The following ACAT1 variants were observed in gnomAD, a reference collection of about 807,000 sequenced individuals.
ACAT1 encodes acetyl-CoA acetyltransferase 1.
Under a neutral mutation model 47.3 loss-of-function variants are expected in ACAT1, and 28 were observed. That is an observed-to-expected ratio of 0.59 (90% confidence interval 0.44 to 0.81). The LOEUF is 0.81. Ranked by LOEUF, ACAT1 falls within the 30% of genes least tolerant of loss-of-function variation. The pLI is 0.00. For synonymous variants in ACAT1, 181 were observed against 173.6 expected (o/e 1.04, Z -0.34); for missense variants, 469 against 524.3 (o/e 0.89, Z 1.03).
intron 1 of ACAT1, among the ~76,000 whole-genome samples, chr11:108,126,508 A>G (rs927140319): frequency 2.0e-5 from 3 of 152,200 alleles, no homozygotes; most frequent in African/African-American, 4.8e-5. Context: ...CTGTTAAATT[A>G]TTTTAAGCAG....
At chr11:108,142,584 C>A (rs1429389133) in intron 9 of ACAT1, 34 bp downstream of exon 9, 1 of 1,548,380 alleles carries the variant, frequency 6.5e-7, no homozygotes, top group South Asian at 1.1e-5. Flanking sequence ...CACCTGTAAT[C>A]CCAGCACTTT....
intron 11 of ACAT1, among the ~76,000 whole-genome samples, chr11:108,147,060 CAG>C (rs1246275557): frequency 1.3e-5 from 2 of 152,154 alleles, no homozygotes; most frequent in Non-Finnish European, 2.9e-5. Context: ...AGCCTGGCGA[CAG>C]AGCGAGACTC....
In ACAT1 at chr11:108,142,557, C is replaced by T. The variant is rs994507837; in HGVS notation, c.940+7C>T. 10 of 1,609,814 alleles carry T rather than the reference C, an allele frequency of 6.2e-6. No homozygotes were observed. The highest frequency in any genetic ancestry group is 8.5e-6 in the Non-Finnish European group (10 of 1,176,200). Reference sequence around the variant, plus strand: ...CCACTGGCAAGAATAGTAGGTAAGGCCAGGCGAGGTGGCTCACACCTGTAA... The same window carrying T: ...CCACTGGCAAGAATAGTAGGTAAGGTCAGGCGAGGTGGCTCACACCTGTAA... On this transcript the variant is annotated splice_region_variant and intron_variant, in intron 9 of 11. Coordinates refer to ENST00000265838, the MANE Select transcript of ACAT1 (RefSeq NM_000019.4).
chr11:108,128,257 C>T (rs942821796), intron 1 of ACAT1, among the ~76,000 whole-genome samples: 2 of 152,142 alleles, frequency 1.3e-5, no homozygotes, highest in African/African-American at 2.4e-5. Context: ...CAAATAGACA[C>T]TGTAGGTAAC....
chr11:108,144,866 TAAAC>T (rs1355368636), intron 10 of ACAT1, among the ~76,000 whole-genome samples: 1 of 152,134 alleles, frequency 6.6e-6, no homozygotes, highest in Non-Finnish European at 1.5e-5. Flanking sequence ...GCAAGGGTAA[TAAAC>T]AATTCTGGAT....
intron 4 of ACAT1, chr11:108,134,582 G>T: frequency 3.7e-6 from 1 of 266,814 alleles, no homozygotes; most frequent in Non-Finnish European, 7.2e-6. Context: ...AGGTTGCAGT[G>T]AGCCAAGATT....
chr11:108,142,456 T>C lies in ACAT1; in HGVS notation c.846T>C (p.Asn282=), dbSNP rs2134772561. 8.7e-6 allele frequency: 14 copies of C among 1,614,174 alleles called. No homozygotes were observed. Among genetic ancestry groups the C allele is most frequent in the Non-Finnish European group, 1.2e-5 (14 of 1,180,008 alleles). Residue 282 remains asparagine, a synonymous_variant, in exon 9 of 12, where the codon AAT becomes AAC. Transcript: ENST00000265838. ...QKENGTVTAA[N]ASTLNDGAAA... ...TTTCAGGCACAGTAACAGCTGCCAA[T>C]GCCAGTACACTGAATGATGGAGCAG...
At chr11:108,135,067 T>C (rs1319623036) in intron 4 of ACAT1, 75 bp from the exon 5 acceptor site, 8 of 971,600 alleles carry the variant, frequency 8.2e-6, no homozygotes, top group African/African-American at 4.8e-5. Flanking sequence ...TTGTAGTTTA[T>C]AGTAACATGC....
At chr11:108,137,844 G>A (rs900144959) in intron 5 of ACAT1, among the ~76,000 whole-genome samples, 2 of 152,084 alleles carry the variant, frequency 1.3e-5, no homozygotes, top group African/African-American at 4.8e-5. Context: ...CTACTTGGGA[G>A]GCTGAGGTGG....
chr11:108,130,758 A>C (rs1406167033), intron 1 of ACAT1, among the ~76,000 whole-genome samples: 89 of 147,460 alleles, frequency 6.0e-4, no homozygotes, highest in Non-Finnish European at 9.0e-5. Flanking sequence ...TTAATTAATT[A>C]ATCTATTTAT....
At chr11:108,141,770 T>G (rs1047093753) in intron 8 of ACAT1, 70 bp downstream of exon 8, 1 of 986,026 alleles carries the variant, frequency 1.0e-6, no homozygotes, top group Non-Finnish European at 1.5e-6. Context: ...TAGAATTGCC[T>G]AAGGATTTTG....
chr11:108,124,877 A>G (rs938950250), intron 1 of ACAT1, among the ~76,000 whole-genome samples: 2 of 152,160 alleles, frequency 1.3e-5, no homozygotes, highest in South Asian at 4.1e-4. Context: ...CTTTCCAAGG[A>G]TGACTCTTTA....
intron 6 of ACAT1, among the ~76,000 whole-genome samples, chr11:108,139,400 G>A (rs1286599827): frequency 2.0e-5 from 3 of 152,000 alleles, no homozygotes; most frequent in African/African-American, 7.2e-5. Flanking sequence ...AGACCGGCTT[G>A]GCCAATGTGG....
At position 108,121,691 on chromosome 11, in the gene ACAT1, C is replaced by G; in HGVS notation, c.72+13C>G. ...GAGGCTGGTGCAGGTGAGCGGGGTT[C>G]GTCCCCACAGCACTCAGACCCGGGA... On this transcript the variant is annotated intron_variant, in intron 1 of 11. Coordinates refer to ENST00000265838, the MANE Select transcript of ACAT1 (RefSeq NM_000019.4). 2 of 1,547,348 alleles carry G rather than the reference C, an allele frequency of 1.3e-6. No individual in the cohort carries two copies. The highest frequency in any genetic ancestry group is 8.7e-7 in the Non-Finnish European group (1 of 1,146,524).
chr11:108,147,219 A>G lies in ACAT1; in HGVS notation c.1164-51A>G, dbSNP rs193286952. The G allele has an allele frequency of 9.4e-6, 15 of 1,603,106 alleles. No homozygotes were observed. In the East Asian group the frequency reaches 2.9e-4, roughly 31 times the overall value. On this transcript the variant is annotated intron_variant, in intron 11 of 11. Coordinates refer to ENST00000265838, the MANE Select transcript of ACAT1 (RefSeq NM_000019.4). Reference sequence around the variant, plus strand: ...AAATTGGAATAGAAACATTTTGGTTAGTCATAAATTCTGTACTTCATTAAA... The same window carrying G: ...AAATTGGAATAGAAACATTTTGGTTGGTCATAAATTCTGTACTTCATTAAA...
At position 108,121,570 on chromosome 11, in the gene ACAT1, C is replaced by T; in HGVS notation, c.-37C>T. The T allele has an allele frequency of 6.5e-7, 1 of 1,547,196 alleles. No homozygotes were observed. Among genetic ancestry groups the T allele is most frequent in the Non-Finnish European group, 8.7e-7 (1 of 1,144,358 alleles). ...CGGGGTTGGGGAGGAGGCCGCTAGT[C>T]TACGCCTGTGGAGCCGATACTCAGC... On this transcript the variant is annotated 5_prime_UTR_variant, in exon 1 of 12. Coordinates refer to ENST00000265838, the MANE Select transcript of ACAT1 (RefSeq NM_000019.4).
chr11:108,141,704 AGTGTT>A lies in ACAT1; in HGVS notation c.826+5_826+9del, dbSNP rs1410743762. ...ACAGTTTTCCAGAAAGAAAATGGTTAGTGTTAAGAAATGAAGCATAAGAAAAAATT... is the reference window on the plus strand; with the variant it reads ...ACAGTTTTCCAGAAAGAAAATGGTTAAAGAAATGAAGCATAAGAAAAAATT... On this transcript the variant is annotated splice_donor_5th_base_variant and intron_variant, in intron 8 of 11. Transcript: ENST00000265838. 1 of 1,605,264 alleles carries A rather than the reference AGTGTT, an allele frequency of 6.2e-7. No individual in the cohort carries two copies. The highest frequency in any genetic ancestry group is 8.5e-7 in the Non-Finnish European group (1 of 1,172,498).
rs58807621 is a variant in ACAT1, at chr11:108,143,908, A to C, written c.941-75A>C. 14,483 of 1,558,130 alleles carry C rather than the reference A, an allele frequency of 9.3e-3. 227 individuals are homozygous for C. The highest frequency in any genetic ancestry group is 0.06 in the African/African-American group (4,295 of 71,396). On this transcript the variant is annotated intron_variant, in intron 9 of 11. Transcript: ENST00000265838. ...TAGGAAATGTGCATTTAATGGGCTA[A>C]ACTTGGCTTGTGCATATTCTATACA...
rs772087249 is a variant in ACAT1, at chr11:108,140,122, G to A, written c.637G>A (p.Ala213Thr). 32 of 1,613,990 alleles carry A rather than the reference G, an allele frequency of 2.0e-5. No homozygotes were observed. In the East Asian group the frequency reaches 3.1e-4, roughly 16 times the overall value. ...GAATATTGCACGAAATGAACAGGAC[G>A]CTTATGCTATTAATTCTTATACCAG... ...KLNIARNEQD[A>T]YAINSYTRSK... Residue 213 changes from alanine to threonine, a missense_variant, in exon 7 of 12, where the codon GCT becomes ACT. By Grantham distance (58) the Ala-to-Thr change is moderately conservative. Transcript: ENST00000265838.
Sources: allele counts gnomAD v4.1 joint callset (sites outside exome capture counted in the v4.1 genomes callset), GRCh38; gene constraint gnomAD v4.1.1; transcripts MANE v1.5; gene names NCBI Gene and HGNC (gene_info 2026-07-23, HGNC 2026-07-21).